Variants in ZNF469 observed in about 807,000 individuals in gnomAD.
ZNF469 encodes zinc finger protein 469.
A neutral mutation model predicts 1.0 loss-of-function variants in ZNF469; 1 was observed. The ratio of observed to expected loss-of-function variants is 1.00; its 90% confidence interval spans 0.35 to 4.73. The LOEUF is 4.73. ZNF469 is among the 30% of genes most tolerant of loss of function. The pLI, the probability that ZNF469 is intolerant of heterozygous loss-of-function variation, is 0.16. For missense variants in ZNF469, 6,100 were observed against 5,356.3 expected (o/e 1.14, Z -4.33); for synonymous variants, 2,703 against 2,363.4 (o/e 1.14, Z -4.17).
chr16:88,130,206 G>C, the ZNF469 span, among the ~76,000 whole-genome samples: 1 of 152,176 alleles, frequency 6.6e-6, no homozygotes, highest in African/African-American at 2.4e-5. Flanking sequence ...GGAAACGGGA[G>C]GCCAAGCTGT....
chr16:88,381,343 G>GCACTC (rs2092524507), upstream of ZNF469, among the ~76,000 whole-genome samples: 2 of 96,514 alleles, frequency 2.1e-5, no homozygotes, highest in Admixed American at 9.9e-5. Flanking sequence ...CTCGCACACA[G>GCACTC]ACACACACTT....
chr16:88,119,211 G>A, the ZNF469 span, among the ~76,000 whole-genome samples: 9 of 152,196 alleles, frequency 5.9e-5, no homozygotes, highest in African/African-American at 9.7e-5. Context: ...TGTATCAGCC[G>A]AGGCGGTCTC....
chr16:88,430,997 G>A lies in ZNF469; in HGVS notation c.3527G>A (p.Arg1176Gln), dbSNP rs1366406815. ...AGCCCTCAGGCCCGTGGCCCGTCTC[G>A]AAGCCTGGAGACGGGAGCGGCCGCC... is the stretch of plus-strand genomic sequence containing the variant. The part of the protein sequence containing the change: ...GRSPQARGPS[R>Q]SLETGAAARE... Residue 1176 changes from arginine to glutamine, a missense_variant, in exon 3 of 3, where the codon CGA becomes CAA. By Grantham distance (43) the Arg-to-Gln change is conservative (BLOSUM62 1). Coordinates refer to ENST00000565624, the MANE Select transcript of ZNF469 (RefSeq NM_001367624.2). 1 of 1,542,108 alleles carries A rather than the reference G, an allele frequency of 6.5e-7. No homozygotes were observed. The highest frequency in any genetic ancestry group is 1.4e-5 in the African/African-American group (1 of 73,126).
At chr16:88,339,213 G>C in the ZNF469 span, among the ~76,000 whole-genome samples, 1 of 125,036 alleles carries the variant, frequency 8.0e-6, no homozygotes, top group African/African-American at 3.2e-5. Context: ...AGGATGGCAG[G>C]GTGATCGGGG....
At chr16:88,182,900 T>A in the ZNF469 span, among the ~76,000 whole-genome samples, 3 of 152,176 alleles carry the variant, frequency 2.0e-5, no homozygotes, top group African/African-American at 7.2e-5. Context: ...CTGAACTTTA[T>A]CCAAATCAAA....
At chr16:88,420,823 C>G (rs766106576) in intron 1 of ZNF469, among the ~76,000 whole-genome samples, 5 of 152,340 alleles carry the variant, frequency 3.3e-5, no homozygotes, top group Middle Eastern at 6.8e-3. Context: ...AAAACGGGCT[C>G]AGAGAGGCTG....
chr16:88,318,506 C>G, the ZNF469 span, among the ~76,000 whole-genome samples: 2 of 152,256 alleles, frequency 1.3e-5, no homozygotes, highest in African/African-American at 2.4e-5. Flanking sequence ...AATTCTCCCC[C>G]CAGCCCTTTA....
At chr16:88,236,916 C>G in the ZNF469 span, among the ~76,000 whole-genome samples, 1 of 152,008 alleles carries the variant, frequency 6.6e-6, no homozygotes, top group East Asian at 1.9e-4. Context: ...GCCAAGCAAA[C>G]CAGCATCCCT....
rs758315492 is a variant in ZNF469 at position 88,431,071 on chromosome 16, G to A, written c.3601G>A (p.Asp1201Asn). The change falls in exon 3 of 3, where the codon GAT becomes AAT. Residue 1201 changes from aspartate to asparagine, a missense_variant. Physicochemically the swap from Asp to Asn is conservative, Grantham distance 23. Transcript: ENST00000565624. ...CADRPSVAPK[D>N]PLQVPTNTET... is the part of the protein sequence containing the mutation. ...TGATCGCCCCTCAGTGGCCCCCAAG[G>A]ATCCCCTGCAGGTCCCCACCAACAC... The A allele has an allele frequency of 2.6e-6, 4 of 1,549,504 alleles. No individual in the cohort carries two copies. The highest frequency in any genetic ancestry group is 3.5e-6 in the Non-Finnish European group (4 of 1,146,850).
the ZNF469 span, among the ~76,000 whole-genome samples, chr16:88,264,881 C>CT: frequency 6.6e-6 from 1 of 152,178 alleles, no homozygotes; most frequent in Non-Finnish European, 1.5e-5. Context: ...TCCAGTGGGT[C>CT]TGGGGGCTCC....
chr16:88,160,174 A>C, the ZNF469 span, among the ~76,000 whole-genome samples: 1 of 152,236 alleles, frequency 6.6e-6, no homozygotes, highest in African/African-American at 2.4e-5. Flanking sequence ...GATTGCGACA[A>C]GGAAGGAGAC....
Position 88,428,207 on chromosome 16 carries a change from C to G in ZNF469, c.737C>G (p.Ala246Gly), listed in dbSNP as rs1471066594. 6.5e-7 allele frequency: 1 copy of G among 1,550,306 alleles called. No homozygotes were observed. Among genetic ancestry groups the G allele is most frequent in the Non-Finnish European group, 8.7e-7 (1 of 1,146,936 alleles). Residue 246 changes from alanine to glycine, a missense_variant, in exon 3 of 3, where the codon GCT becomes GGT. Ala to Gly is a moderately conservative substitution (Grantham distance 60). Coordinates refer to ENST00000565624, the MANE Select transcript of ZNF469 (RefSeq NM_001367624.2). ...PPAAENSFPGANFGVPPAEPE... is the reference protein window; with the variant it reads ...PPAAENSFPGGNFGVPPAEPE... ...GCTGCTGAGAATAGCTTCCCAGGTG[C>G]TAATTTCGGGGTTCCCCCCGCCGAG...
chr16:88,179,441 C>T, the ZNF469 span, among the ~76,000 whole-genome samples: 2 of 152,228 alleles, frequency 1.3e-5, no homozygotes, highest in Non-Finnish European at 2.9e-5. Context: ...GGAGGCCCCA[C>T]CAGAAGCAGA....
rs745918304 is a variant in ZNF469 at position 88,435,852 on chromosome 16, G to A, written c.8382G>A (p.Thr2794=). 69 of 1,550,326 alleles carry A rather than the reference G, an allele frequency of 4.5e-5. No individual in the cohort carries two copies. Among genetic ancestry groups the A allele is most frequent in the Middle Eastern group, 1.7e-4 (1 of 5,988 alleles). Reference sequence around the variant, plus strand: ...AGGAAGGTGTCTGGGAGGAGAACACGCCCCCCTTGGGCCCCCTGGGTTTTC... The same window carrying A: ...AGGAAGGTGTCTGGGAGGAGAACACACCCCCCTTGGGCCCCCTGGGTTTTC... ...RSEEGVWEEN[T]PPLGPLGFPE... The change falls in exon 3 of 3, where the codon ACG becomes ACA. Residue 2794 remains threonine, a synonymous_variant. Transcript: ENST00000565624.
At chr16:88,407,446 G>A (rs966661351) in intron 1 of ZNF469, among the ~76,000 whole-genome samples, 1 of 152,356 alleles carries the variant, frequency 6.6e-6, no homozygotes, top group South Asian at 2.1e-4. Flanking sequence ...TAGCGTGGCC[G>A]ATGACGCACT....
At chr16:88,162,940 A>C in the ZNF469 span, among the ~76,000 whole-genome samples, 3 of 152,222 alleles carry the variant, frequency 2.0e-5, no homozygotes, top group Admixed American at 1.3e-4. Context: ...AGGCCCTTTA[A>C]AGTTGGATGG....
chr16:88,430,429 G>C lies in ZNF469; in HGVS notation c.2959G>C (p.Gly987Arg). 3 of 1,518,422 alleles carry C rather than the reference G, an allele frequency of 2.0e-6. No individual in the cohort carries two copies. Among genetic ancestry groups the C allele is most frequent in the Non-Finnish European group, 2.6e-6 (3 of 1,137,664 alleles). 94.1% of individuals were successfully genotyped at this position (1,518,422 alleles called of 1,614,324 possible). ...GAGGCCCCGGAGGAACGACGGTCTC[G>C]GGGAGCGGCCCCCACCCCGTCCCCG... ...GLRPRRNDGL[G>R]ERPPPRPRRP... is the part of the protein sequence containing the mutation. The change falls in exon 3 of 3, where the codon GGG (glycine) becomes CGG (arginine). Residue 987 changes from glycine to arginine, a missense_variant. By Grantham distance (125) the Gly-to-Arg change is moderately radical. Coordinates refer to ENST00000565624, the MANE Select transcript of ZNF469 (RefSeq NM_001367624.2).
chr16:88,204,749 C>G, the ZNF469 span, among the ~76,000 whole-genome samples: 1 of 152,212 alleles, frequency 6.6e-6, no homozygotes, highest in Non-Finnish European at 1.5e-5. Flanking sequence ...TTTGCTTGGC[C>G]TTCTGGAATC....
At chr16:88,317,211 C>A in the ZNF469 span, among the ~76,000 whole-genome samples, 1 of 152,176 alleles carries the variant, frequency 6.6e-6, no homozygotes, top group Non-Finnish European at 1.5e-5. Flanking sequence ...GGTGGGGAGC[C>A]GAAGCAGTTC....
Sources: gnomAD v4.1 joint callset for allele counts (sites outside exome capture counted in the v4.1 genomes callset) on GRCh38, gnomAD v4.1.1 for gene constraint, MANE v1.5 for transcripts, NCBI Gene and HGNC (gene_info 2026-07-23, HGNC 2026-07-21) for gene names.